The following BMPR1B variants were observed in gnomAD, a reference collection of about 807,000 sequenced individuals.
BMPR1B encodes the protein bone morphogenetic protein receptor type-1B.
Under a neutral mutation model 59.1 loss-of-function variants are expected in BMPR1B, and 12 were observed. That is an observed-to-expected ratio of 0.20 (90% confidence interval 0.13 to 0.33). The LOEUF is 0.33. Among genes scored for constraint, BMPR1B ranks in the 10% least tolerant of loss-of-function variants. The pLI is 1.00. For synonymous variants in BMPR1B, 237 were observed against 207.3 expected (o/e 1.14, Z -1.23); for missense variants, 550 against 610.9 (o/e 0.90, Z 1.05).
intron 1 of BMPR1B, among the ~76,000 whole-genome samples, chr4:94,835,910 TC>T (rs70946556): frequency 0.54 from 56,460 of 104,002 alleles, 14,178 homozygotes; most frequent in African/African-American, 0.68. Context: ...CCCTCCCCCC[TC>T]CCCCCACCCC....
intron 2 of BMPR1B, among the ~76,000 whole-genome samples, chr4:94,980,354 A>T (rs900189630): frequency 3.3e-5 from 5 of 152,196 alleles, no homozygotes; most frequent in African/African-American, 1.2e-4. Flanking sequence ...ATTTTGCCTC[A>T]ACCACTCACC....
At chr4:95,053,001 A>G (rs1726621654) in intron 3 of BMPR1B, among the ~76,000 whole-genome samples, 1 of 152,110 alleles carries the variant, frequency 6.6e-6, no homozygotes, top group Admixed American at 6.5e-5. Flanking sequence ...CCTGAGAGTC[A>G]TTTTTTATTC....
intron 3 of BMPR1B, among the ~76,000 whole-genome samples, chr4:95,026,031 C>T (rs565644494): frequency 2.0e-4 from 30 of 152,254 alleles, no homozygotes; most frequent in African/African-American, 7.0e-4. Flanking sequence ...CCTGTCTAAT[C>T]AGTGTGTACA....
At chr4:95,149,729 C>CT (rs1560694033) in intron 11 of BMPR1B, among the ~76,000 whole-genome samples, 1 of 152,266 alleles carries the variant, frequency 6.6e-6, no homozygotes, top group East Asian at 1.9e-4. Context: ...CAATTTAAGT[C>CT]TATCTTCATG....
intron 10 of BMPR1B, among the ~76,000 whole-genome samples, chr4:95,143,685 C>A (rs2149319374): frequency 6.6e-6 from 1 of 152,308 alleles, no homozygotes; most frequent in East Asian, 1.9e-4. Context: ...ACTTGGTTTT[C>A]TGGCCTCTTT....
chr4:94,845,215 CTA>C (rs1192569914), intron 1 of BMPR1B, among the ~76,000 whole-genome samples: 3 of 152,092 alleles, frequency 2.0e-5, no homozygotes, highest in South Asian at 2.1e-4. Context: ...ATATAAGGGA[CTA>C]TTTTTAAAAC....
chr4:95,059,833 A>C (rs1159307949), intron 3 of BMPR1B, among the ~76,000 whole-genome samples: 1 of 152,186 alleles, frequency 6.6e-6, no homozygotes, highest in African/African-American at 2.4e-5. Flanking sequence ...CTTGCCAACA[A>C]TAATATAACA....
chr4:94,953,012 A>C (rs1162253474), intron 2 of BMPR1B, among the ~76,000 whole-genome samples: 1 of 152,172 alleles, frequency 6.6e-6, no homozygotes, highest in Non-Finnish European at 1.5e-5. Context: ...ACCATTATGT[A>C]ATGACCTTCT....
chr4:94,769,814 T>C (rs1722105127), intron 1 of BMPR1B, among the ~76,000 whole-genome samples: 1 of 152,232 alleles, frequency 6.6e-6, no homozygotes, highest in African/African-American at 2.4e-5. Context: ...GATTTTACTT[T>C]TAAAATTTGG....
At chr4:95,027,127 A>C (rs983957647) in intron 3 of BMPR1B, among the ~76,000 whole-genome samples, 2 of 152,114 alleles carry the variant, frequency 1.3e-5, no homozygotes, top group Non-Finnish European at 2.9e-5. Context: ...TCTTTCTCTA[A>C]GGCCCACTTA....
At chr4:94,954,756 G>A (rs1324912456) in intron 2 of BMPR1B, among the ~76,000 whole-genome samples, 1 of 151,984 alleles carries the variant, frequency 6.6e-6, no homozygotes, top group Non-Finnish European at 1.5e-5. Context: ...TATCTCAAAA[G>A]GGATATTCTG....
At chr4:94,816,920 A>G (rs1486607594) in intron 1 of BMPR1B, among the ~76,000 whole-genome samples, 1 of 152,192 alleles carries the variant, frequency 6.6e-6, no homozygotes, top group Non-Finnish European at 1.5e-5. Context: ...CATGTGTTCA[A>G]ACTCAATTAA....
At position 95,108,838 on chromosome 4, in the gene BMPR1B, G is replaced by A. The variant is rs190640268; in HGVS notation, c.143+4271G>A. On this transcript the variant is annotated intron_variant, in intron 4 of 12. Transcript: ENST00000515059. Reference sequence around the variant, plus strand: ...AATATCTTTCCATGTGTCAATTTGCGTTGTAATCCATCGAGTTCCATTTCC... The same window carrying A: ...AATATCTTTCCATGTGTCAATTTGCATTGTAATCCATCGAGTTCCATTTCC... Among the ~76,000 whole-genome samples, 303 of 152,096 alleles carry A rather than the reference G, an allele frequency of 2.0e-3. 1 individual carries two copies. The highest frequency in any genetic ancestry group is 1.8e-3 in the Non-Finnish European group (120 of 67,974).
intron 1 of BMPR1B, among the ~76,000 whole-genome samples, chr4:94,795,975 T>TG (rs888394172): frequency 1.3e-5 from 2 of 151,846 alleles, no homozygotes; most frequent in African/African-American, 4.8e-5. Flanking sequence ...TTTAACTTTT[T>TG]TTTTTTTGAG....
chr4:94,840,574 A>G (rs1314574982), intron 1 of BMPR1B, among the ~76,000 whole-genome samples: 1 of 145,434 alleles, frequency 6.9e-6, no homozygotes, highest in Non-Finnish European at 1.5e-5. Context: ...AGGCTTCTGC[A>G]TTCTTCACGT....
chr4:95,058,554 T>C (rs1727103285), intron 3 of BMPR1B, among the ~76,000 whole-genome samples: 1 of 152,158 alleles, frequency 6.6e-6, no homozygotes, highest in African/African-American at 2.4e-5. Flanking sequence ...CAATTTAATG[T>C]AACAGGACAT....
Position 95,152,695 on chromosome 4 carries a change from C to T in BMPR1B, c.1305C>T (p.Pro435=). ...ATCATGACCTAGTGCCCAGTGACCC[C>T]TCTTATGAGGACATGAGGGAGATTG... ...LPYHDLVPSD[P]SYEDMREIVC... is the part of the protein sequence containing the mutation. The change falls in exon 12 of 13, where the codon CCC becomes CCT. Residue 435 remains proline, a synonymous_variant. Transcript: ENST00000515059. The T allele has an allele frequency of 1.3e-6, 2 of 1,595,910 alleles. No individual in the cohort carries two copies. The highest frequency in any genetic ancestry group is 1.3e-5 in the African/African-American group (1 of 74,642).
chr4:95,024,090 C>T (rs758096867), intron 3 of BMPR1B, among the ~76,000 whole-genome samples: 2 of 152,138 alleles, frequency 1.3e-5, no homozygotes, highest in Admixed American at 6.5e-5. Context: ...ATTAATAGCA[C>T]TATTGAATTC....
At chr4:95,142,276 G>A (rs759168558) in intron 10 of BMPR1B, among the ~76,000 whole-genome samples, 1 of 152,182 alleles carries the variant, frequency 6.6e-6, no homozygotes, top group Non-Finnish European at 1.5e-5. Context: ...GATGTGCACA[G>A]CCCCTTCTTC....
Sources: allele counts gnomAD v4.1 joint callset (sites outside exome capture counted in the v4.1 genomes callset), GRCh38; gene constraint gnomAD v4.1.1; transcripts MANE v1.5; gene names NCBI Gene and HGNC (gene_info 2026-07-23, HGNC 2026-07-21).